Variants in NSG2 observed in about 807,000 individuals in gnomAD.
NSG2 encodes the protein neuronal vesicle trafficking associated 2, also known as neuronal vesicle trafficking-associated protein 2.
In NSG2, 4 loss-of-function variants were observed where a neutral mutation model predicts 16.9. That is an observed-to-expected ratio of 0.24 (90% CI 0.12 to 0.54). NSG2 has a LOEUF of 0.54. Ranked by LOEUF, NSG2 falls within the 20% of genes least tolerant of loss-of-function variation. The pLI, the probability that NSG2 is intolerant of heterozygous loss-of-function variation, is 0.95. For missense variants in NSG2, 179 were observed against 221.1 expected (o/e 0.81, Z 1.21); for synonymous variants, 98 against 88.7 (o/e 1.11, Z -0.59).
chr5:174,095,302 G>A (rs145452094), intron 3 of NSG2, among the ~76,000 whole-genome samples: 150 of 152,246 alleles, frequency 9.9e-4, no homozygotes, highest in African/African-American at 3.3e-3. Context: ...TAAACTGTGC[G>A]GCTGAATGCA....
intron 3 of NSG2, chr5:174,081,637 G>C (rs61686155): frequency 6.6e-6 from 1 of 151,604 alleles, no homozygotes; most frequent in Non-Finnish European, 1.5e-5. Context: ...AAGAATGTAC[G>C]AGCATTTTTT....
chr5:174,106,105 G>A (rs1760975172), intron 4 of NSG2, among the ~76,000 whole-genome samples: 2 of 152,166 alleles, frequency 1.3e-5, no homozygotes, highest in African/African-American at 4.8e-5. Flanking sequence ...TGTGGGCAAA[G>A]GGGAGGAGAG....
intron 3 of NSG2, among the ~76,000 whole-genome samples, chr5:174,100,196 G>A (rs2113475654): frequency 6.6e-6 from 1 of 152,342 alleles, no homozygotes; most frequent in South Asian, 2.1e-4. Context: ...CAACCAGTCA[G>A]CATTAGACCC....
chr5:174,060,041 A>T (rs1395790747), intron 2 of NSG2, among the ~76,000 whole-genome samples: 1 of 152,168 alleles, frequency 6.6e-6, no homozygotes, highest in Non-Finnish European at 1.5e-5. Flanking sequence ...ACTGAACCAC[A>T]TGGCTGCCAC....
intron 2 of NSG2, chr5:174,062,424 A>G (rs1222139514): frequency 6.6e-6 from 1 of 152,242 alleles, no homozygotes; most frequent in East Asian, 1.9e-4. Context: ...TCTGTGGTAC[A>G]AGAGCTTCTG....
At chr5:174,088,232 T>C (rs1581237216) in intron 3 of NSG2, among the ~76,000 whole-genome samples, 1 of 152,186 alleles carries the variant, frequency 6.6e-6, no homozygotes, top group African/African-American at 2.4e-5. Context: ...GTTTTATGAA[T>C]GAAGAAACTG....
intron 3 of NSG2, among the ~76,000 whole-genome samples, chr5:174,070,906 G>T (rs1252012779): frequency 6.6e-6 from 1 of 152,224 alleles, no homozygotes; most frequent in Non-Finnish European, 1.5e-5. Context: ...AGCAGGCTTT[G>T]GGTGTGTTGC....
At chr5:174,097,707 TTGTG>T (rs1187599238) in intron 3 of NSG2, among the ~76,000 whole-genome samples, 2 of 147,676 alleles carry the variant, frequency 1.4e-5, no homozygotes, top group Non-Finnish European at 3.0e-5. Context: ...GTGTGTCTTT[TTGTG>T]TGTGTTTGTC....
In NSG2 at chr5:174,064,321, T is replaced by A; in HGVS notation, c.213+6T>A. The stretch of plus-strand genomic sequence containing the variant: ...CGAAAATCGCTGAATTTACGGTCAG[T>A]TTCTTGATGGTGTAATAGAAAGAGT... On this transcript the variant is annotated splice_donor_region_variant and intron_variant, in intron 3 of 4. Transcript: ENST00000303177. The A allele has an allele frequency of 6.2e-7, 1 of 1,606,350 alleles. No individual in the cohort carries two copies. Among genetic ancestry groups the A allele is most frequent in the Non-Finnish European group, 8.5e-7 (1 of 1,173,842 alleles).
At chr5:174,102,625 GC>G (rs201638222) in intron 3 of NSG2, among the ~76,000 whole-genome samples, 3,241 of 128,434 alleles carry the variant, frequency 0.025, 54 homozygotes, top group Middle Eastern at 0.071. Context: ...TCCTGATGGT[GC>G]CCCCACTTTG....
chr5:174,062,145 C>A (rs1182917781), intron 2 of NSG2, among the ~76,000 whole-genome samples: 1 of 152,052 alleles, frequency 6.6e-6, no homozygotes, highest in African/African-American at 2.4e-5. Flanking sequence ...ATTTATGCCT[C>A]CCAACAATCC....
intron 3 of NSG2, among the ~76,000 whole-genome samples, chr5:174,098,689 C>T (rs1435242006): frequency 6.7e-6 from 1 of 149,330 alleles, no homozygotes; most frequent in Non-Finnish European, 1.5e-5. Flanking sequence ...GAATGTCTCA[C>T]TCTCTCCCTC....
chr5:174,085,158 A>G (rs746293880), intron 3 of NSG2, among the ~76,000 whole-genome samples: 6 of 152,234 alleles, frequency 3.9e-5, no homozygotes, highest in Non-Finnish European at 5.9e-5. Context: ...CCATAAGTGT[A>G]TATTTAAATA....
At chr5:174,098,956 G>T (rs1301986226) in intron 3 of NSG2, among the ~76,000 whole-genome samples, 1 of 152,198 alleles carries the variant, frequency 6.6e-6, no homozygotes, top group East Asian at 1.9e-4. Flanking sequence ...GAACGTCTCT[G>T]AGGATGGAGG....
chr5:174,049,431 G>A (rs995513654), intron 2 of NSG2, among the ~76,000 whole-genome samples: 3 of 146,874 alleles, frequency 2.0e-5, no homozygotes, highest in Non-Finnish European at 4.5e-5. Flanking sequence ...TAAGCTATAT[G>A]TGCACGCGCA....
In NSG2 at chr5:174,059,631, A is replaced by G. The variant is rs1468840658; in HGVS notation, c.130-4601A>G. The stretch of plus-strand genomic sequence containing the variant: ...TTATATTAAGGCTCAAAGAGTAGGT[A>G]TTTGCCCCTATAACTGTGGATCCCA... On this transcript the variant is annotated intron_variant, in intron 2 of 4. Coordinates refer to ENST00000303177, the MANE Select transcript of NSG2 (RefSeq NM_015980.5). 2.6e-5 allele frequency among the ~76,000 whole-genome samples: 4 copies of G among 152,320 alleles called. No homozygotes were observed. In the East Asian group the frequency reaches 7.7e-4, roughly 29 times the overall value.
At chr5:174,078,951 A>G (rs1412578982) in intron 3 of NSG2, among the ~76,000 whole-genome samples, 1 of 152,216 alleles carries the variant, frequency 6.6e-6, no homozygotes, top group Non-Finnish European at 1.5e-5. Context: ...ACACGCACAC[A>G]CACACATGCA....
chr5:174,090,477 G>A (rs1760704605), intron 3 of NSG2, among the ~76,000 whole-genome samples: 1 of 152,160 alleles, frequency 6.6e-6, no homozygotes, highest in Non-Finnish European at 1.5e-5. Flanking sequence ...TTCAACATAA[G>A]CCATATTGTA....
Position 174,098,018 on chromosome 5 carries a change from G to A in NSG2, c.214-6210G>A, listed in dbSNP as rs56333390. ...CCCGAGGCCTTCCCAGCAGAAGGTG[G>A]CTGGTAGGCGAGAGGGGTGATGGGG... On this transcript the variant is annotated intron_variant, in intron 3 of 4. Coordinates refer to ENST00000303177, the MANE Select transcript of NSG2 (RefSeq NM_015980.5). Among the ~76,000 whole-genome samples, 1,499 of 152,234 alleles carry A rather than the reference G, an allele frequency of 9.8e-3. 25 individuals are homozygous for A. Among genetic ancestry groups the A allele is most frequent in the African/African-American group, 0.034 (1,405 of 41,514 alleles).
Sources: allele counts gnomAD v4.1 joint callset (sites outside exome capture counted in the v4.1 genomes callset), GRCh38; gene constraint gnomAD v4.1.1; transcripts MANE v1.5; gene names NCBI Gene and HGNC (gene_info 2026-07-23, HGNC 2026-07-21).